Variants in CILP observed in about 807,000 individuals in gnomAD.
CILP encodes cartilage intermediate layer protein.
Under a neutral mutation model 82.5 loss-of-function variants are expected in CILP, and 75 were observed. That is an observed-to-expected ratio of 0.91 (90% confidence interval 0.75 to 1.10). The LOEUF (loss-of-function observed/expected upper bound fraction) is 1.10, where lower values mean the gene tolerates loss of function less well. Ranked by LOEUF, CILP falls within the 50% of genes least tolerant of loss-of-function variation. The pLI is 0.00. For missense variants in CILP, 1,479 were observed against 1,530.8 expected, an observed-to-expected ratio of 0.97 and a Z score of 0.56; for synonymous variants, 530 against 580.3, an observed-to-expected ratio of 0.91 and a Z score of 1.25.
At chr15:65,210,372 T>C (rs1441225723) in intron 1 of CILP, among the ~76,000 whole-genome samples, 1 of 152,168 alleles carries the variant, frequency 6.6e-6, no homozygotes, top group African/African-American at 2.4e-5. Context: ...CATTCCCAGA[T>C]GTGCACGGGC....
At chr15:65,205,133 A>G (rs1742000201) in intron 5 of CILP, among the ~76,000 whole-genome samples, 154 bp downstream of exon 5, 1 of 152,142 alleles carries the variant, frequency 6.6e-6, no homozygotes. Context: ...TATCCTGTAT[A>G]TCTCTCATTA....
Position 65,206,800 on chromosome 15 carries a change from G to T in CILP, c.406C>A (p.Arg136Ser). 2 of 1,612,954 alleles carry T rather than the reference G, an allele frequency of 1.2e-6. No individual in the cohort carries two copies. The highest frequency in any genetic ancestry group is 1.1e-5 in the South Asian group (1 of 91,052). Residue 136 changes from arginine (R) to serine (S), a missense_variant, in exon 4 of 9, where the codon CGC (arginine) becomes AGC (serine). Arg to Ser is a moderately radical substitution (Grantham distance 110, BLOSUM62 -1). Coordinates refer to ENST00000261883, the MANE Select transcript of CILP (RefSeq NM_003613.4). ...GGCTTACCTGGTGGGCAGAGGAAGC[G>T]TACGGTGTAATTAGAGCAGTTCTGG... ...PGQNCSNYTV[R>S]FLCPPGSLRR...
rs2088361966 is a variant in CILP at position 65,196,444 on chromosome 15, G to A, written c.*287C>T. The A allele has an allele frequency of 3.0e-6, 1 of 336,994 alleles. No individual in the cohort carries two copies. The highest frequency in any genetic ancestry group is 2.1e-5 in the African/African-American group (1 of 47,628). 20.9% of individuals were successfully genotyped at this position (336,994 alleles called of 1,614,324 possible). A position where few individuals can be genotyped will look rare whatever the true frequency, so the allele number is the denominator to read the frequency against. On this transcript the variant is annotated 3_prime_UTR_variant, in exon 9 of 9. Coordinates refer to ENST00000261883, the MANE Select transcript of CILP (RefSeq NM_003613.4). The stretch of plus-strand genomic sequence containing the variant: ...TGCAAAAAGAAGAGGAAGTATATTT[G>A]CATTAATGGCATTAAATGAAGTACA...
In CILP at chr15:65,198,351, G is replaced by T; in HGVS notation, c.1935C>A (p.Ile645=). Residue 645 remains isoleucine, a synonymous_variant, in exon 9 of 9, where the codon ATC becomes ATA. Transcript: ENST00000261883. ...GGGGGAAAGTGTCTCCTTCGTCATT[G>T]ATGAAGTTCAGGTCAGTCTGGGCAG... ...ATAAQTDLNF[I]NDEGDTFPLR... The T allele has an allele frequency of 6.2e-7, 1 of 1,614,226 alleles. No individual in the cohort carries two copies. The highest frequency in any genetic ancestry group is 8.5e-7 in the Non-Finnish European group (1 of 1,180,046).
In CILP at chr15:65,198,440, A is replaced by G; in HGVS notation, c.1846T>C (p.Tyr616His). ...RSFYRQNGEP[Y>H]IGKVKASVTF... Reference sequence around the variant, plus strand: ...ACACTGGCCTTCACTTTTCCTATGTAGGGCTCCCCATTCTGCCTGTAGAAA... The same window carrying G: ...ACACTGGCCTTCACTTTTCCTATGTGGGGCTCCCCATTCTGCCTGTAGAAA... Residue 616 changes from tyrosine to histidine, a missense_variant, in exon 9 of 9, where the codon TAC (tyrosine) becomes CAC (histidine). Coordinates refer to ENST00000261883, the MANE Select transcript of CILP (RefSeq NM_003613.4). 2 of 1,614,218 alleles carry G rather than the reference A, an allele frequency of 1.2e-6. No individual in the cohort carries two copies. The highest frequency in any genetic ancestry group is 1.3e-5 in the African/African-American group (1 of 75,060).
intron 2 of CILP, 89 bp downstream of exon 2, chr15:65,209,606 A>T: frequency 7.9e-7 from 1 of 1,266,072 alleles, no homozygotes; most frequent in Non-Finnish European, 1.2e-6. Flanking sequence ...GCTGTGTCTT[A>T]AGGCAGATGC....
chr15:65,196,593 A>T lies in CILP; in HGVS notation c.*138T>A. ...GCCAATCAGTAGCATGGGACAAAGTAAGTAAAGGCATGAAGAAACAAACAA... is the reference window on the plus strand; with the variant it reads ...GCCAATCAGTAGCATGGGACAAAGTTAGTAAAGGCATGAAGAAACAAACAA... On this transcript the variant is annotated 3_prime_UTR_variant, in exon 9 of 9. Transcript: ENST00000261883. 1.4e-6 allele frequency: 1 copy of T among 726,462 alleles called. No individual in the cohort carries two copies. Among genetic ancestry groups the T allele is most frequent in the Non-Finnish European group, 2.1e-6 (1 of 465,786 alleles). The allele number at this position is 726,462 out of a possible 1,614,324, so 45.0% of individuals were successfully genotyped here.
intron 6 of CILP, among the ~76,000 whole-genome samples, chr15:65,203,938 G>A (rs1291832896): frequency 6.6e-6 from 1 of 152,218 alleles, no homozygotes. Flanking sequence ...TACATTTGAG[G>A]GAGCAAGCCA....
intron 8 of CILP, among the ~76,000 whole-genome samples, chr15:65,201,641 A>G (rs1460223872): frequency 6.6e-6 from 1 of 150,528 alleles, no homozygotes; most frequent in African/African-American, 2.4e-5. Context: ...AGGCAGGAGA[A>G]TCACTTGAAC....
chr15:65,201,549 C>A (rs536411120), intron 8 of CILP, among the ~76,000 whole-genome samples: 2 of 151,540 alleles, frequency 1.3e-5, no homozygotes, highest in Non-Finnish European at 2.9e-5. Flanking sequence ...GCCAACATGG[C>A]GAAACACCAT....
chr15:65,197,193 G>T lies in CILP; in HGVS notation c.3093C>A (p.Gly1031=), dbSNP rs2088377034. 10 of 1,613,864 alleles carry T rather than the reference G, an allele frequency of 6.2e-6. No homozygotes were observed. The highest frequency in any genetic ancestry group is 1.3e-5 in the African/African-American group (1 of 74,904). ...DRTLVKVIPQ[G]SCRRASVNPM... is the part of the protein sequence containing the mutation. ...GGTTCACACTGGCTCGACGGCAGCT[G>T]CCCTGGGGGATGACCTTCACCAGGG... The change falls in exon 9 of 9, where the codon GGC becomes GGA. Residue 1031 remains glycine, a synonymous_variant. Transcript: ENST00000261883.
At chr15:65,200,764 C>T (rs1207825146) in intron 8 of CILP, among the ~76,000 whole-genome samples, 1 of 152,192 alleles carries the variant, frequency 6.6e-6, no homozygotes, top group African/African-American at 2.4e-5. Flanking sequence ...CATGCCCAGG[C>T]CACATCTCAG....
At chr15:65,201,841 C>G in intron 8 of CILP, 31 bp downstream of exon 8, 1 of 1,452,682 alleles carries the variant, frequency 6.9e-7, no homozygotes, top group East Asian at 2.7e-5. Flanking sequence ...TGTTGCAGAC[C>G]CAGGGGCCCC....
Position 65,198,290 on chromosome 15 carries a change from C to T in CILP, c.1996G>A (p.Asp666Asn), listed in dbSNP as rs906963603. Residue 666 changes from aspartate to asparagine, a missense_variant, in exon 9 of 9, where the codon GAT (aspartate) becomes AAT (asparagine). Coordinates refer to ENST00000261883, the MANE Select transcript of CILP (RefSeq NM_003613.4). ...TTAAGTGGCTCTGAGGTGACCTCAT[C>T]TCTGAAGTCCACAGAGAACATGCCA... ...TYGMFSVDFR[D>N]EVTSEPLNAG... 1 of 1,614,248 alleles carries T rather than the reference C, an allele frequency of 6.2e-7. No homozygotes were observed. Among genetic ancestry groups the T allele is most frequent in the African/African-American group, 1.3e-5 (1 of 75,060 alleles).
Position 65,198,769 on chromosome 15 carries a change from C to A in CILP, c.1517G>T (p.Arg506Leu). 1 of 1,614,136 alleles carries A rather than the reference C, an allele frequency of 6.2e-7. No homozygotes were observed. The highest frequency in any genetic ancestry group is 2.2e-5 in the East Asian group (1 of 44,882). Residue 506 changes from arginine (R) to leucine (L), a missense_variant, in exon 9 of 9, where the codon CGC becomes CTC. Coordinates refer to ENST00000261883, the MANE Select transcript of CILP (RefSeq NM_003613.4). ...VSAADNGEPM[R>L]FGHVYMGNSR... ...GTTCCCCATGTACACATGGCCAAAG[C>A]GCATGGGCTCCCCATTGTCAGCAGC...
chr15:65,199,802 G>A (rs1057471475), intron 8 of CILP, among the ~76,000 whole-genome samples: 5 of 152,182 alleles, frequency 3.3e-5, no homozygotes, highest in African/African-American at 4.8e-5. Flanking sequence ...CAGCCTGGGC[G>A]ACAGAGCAAG....
At position 65,197,687 on chromosome 15, in the gene CILP, G is replaced by T; in HGVS notation, c.2599C>A (p.Pro867Thr). The part of the protein sequence containing the change: ...LNYRRTDHED[P>T]RVKKTAFQIS... ...TGGAAAGCTGTCTTTTTAACCCGTG[G>T]ATCCTCATGGTCCGTCCGACGGTAG... The change falls in exon 9 of 9, where the codon CCA (proline) becomes ACA (threonine). Residue 867 changes from proline to threonine, a missense_variant. Transcript: ENST00000261883. 1 of 1,613,786 alleles carries T rather than the reference G, an allele frequency of 6.2e-7. No homozygotes were observed. The highest frequency in any genetic ancestry group is 8.5e-7 in the Non-Finnish European group (1 of 1,180,044).
chr15:65,197,154 C>G lies in CILP; in HGVS notation c.3132G>C (p.Glu1044Asp), dbSNP rs935701188. 1 of 1,614,030 alleles carries G rather than the reference C, an allele frequency of 6.2e-7. No individual in the cohort carries two copies. Residue 1044 changes from glutamate to aspartate, a missense_variant, in exon 9 of 9, where the codon GAG (glutamate) becomes GAC (aspartate). Physicochemically the swap from Glu to Asp is conservative, Grantham distance 45 (BLOSUM62 2). Transcript: ENST00000261883. ...CAAGTGGCAAGTGGTTGACCAGGTA[C>G]TCATGCAGCATGGGGTTCACACTGG... ...RRASVNPMLH[E>D]YLVNHLPLAV...
In CILP at chr15:65,206,907, G is replaced by T; in HGVS notation, c.299C>A (p.Thr100Lys). The change falls in exon 4 of 9, where the codon ACA (threonine) becomes AAA (lysine). Residue 100 changes from threonine to lysine, a missense_variant. Physicochemically the swap from Thr to Lys is moderately conservative, Grantham distance 78. Transcript: ENST00000261883. ...LRLEARTTDW[T>K]PAGSTGQVVH... The stretch of plus-strand genomic sequence containing the variant: ...CACCTGGCCAGTGCTGCCCGCAGGT[G>T]TCCAGTCAGTGGTCCGAGCCTCTAG... The T allele has an allele frequency of 6.2e-7, 1 of 1,613,906 alleles. No homozygotes were observed. The highest frequency in any genetic ancestry group is 8.5e-7 in the Non-Finnish European group (1 of 1,180,022).
Sources: allele counts gnomAD v4.1 joint callset (sites outside exome capture counted in the v4.1 genomes callset), GRCh38; gene constraint gnomAD v4.1.1; transcripts MANE v1.5; gene names NCBI Gene and HGNC (gene_info 2026-07-23, HGNC 2026-07-21).